Variants in CHPF2 observed in about 807,000 individuals in gnomAD.
CHPF2 encodes chondroitin polymerizing factor 2, non-catalytic subunit.
In CHPF2, 58 loss-of-function variants were observed where a neutral mutation model predicts 63.0. The observed-to-expected ratio is 0.92, with a 90% CI of 0.75 to 1.15. The LOEUF is 1.15. Among genes scored for constraint, CHPF2 ranks in the 50% most tolerant of loss-of-function variants. The probability of loss-of-function intolerance (pLI) is 0.00; values close to 1 mark genes in which losing one functional copy is unlikely to be tolerated. For synonymous variants in CHPF2, 442 were observed against 438.0 expected (o/e 1.01, Z -0.11); for missense variants, 1,045 against 1,035.4 (o/e 1.01, Z -0.13).
chr7:151,235,318 C>A lies in CHPF2; in HGVS notation c.534C>A (p.Phe178Leu). 1.9e-6 allele frequency: 3 copies of A among 1,614,006 alleles called. No homozygotes were observed. Among genetic ancestry groups the A allele is most frequent in the Non-Finnish European group, 2.5e-6 (3 of 1,180,044 alleles). The stretch of plus-strand genomic sequence containing the variant: ...ACTTTGGGGCCGACTACGACTGGTT[C>A]TTCATCATGCAGGATGACACATATG... ...HTHFGADYDW[F>L]FIMQDDTYVQ... is the part of the protein sequence containing the mutation. Residue 178 changes from phenylalanine to leucine, a missense_variant, in exon 2 of 4, where the codon TTC becomes TTA. Transcript: ENST00000035307.
At position 151,232,768 on chromosome 7, in the gene CHPF2, C is replaced by T. The variant is rs1175893739; in HGVS notation, c.-1244C>T. 2 of 1,507,474 alleles carry T rather than the reference C, an allele frequency of 1.3e-6. No individual in the cohort carries two copies. The highest frequency in any genetic ancestry group is 1.8e-6 in the Non-Finnish European group (2 of 1,134,508). The allele number at this position is 1,507,474 out of a possible 1,614,324, so 93.4% of individuals were successfully genotyped here. ...TGGTCCTGCGCTCGCGGCCTCGATG[C>T]TGTCTCTGGCGCGGCCTCCGCTCCC... On this transcript the variant is annotated 5_prime_UTR_variant, in exon 1 of 4. Coordinates refer to ENST00000035307, the MANE Select transcript of CHPF2 (RefSeq NM_019015.3).
Position 151,238,281 on chromosome 7 carries a change from C to G in CHPF2, c.1919C>G (p.Pro640Arg), listed in dbSNP as rs76509585. 7 of 1,611,134 alleles carry G rather than the reference C, an allele frequency of 4.3e-6. No homozygotes were observed. Among genetic ancestry groups the G allele is most frequent in the African/African-American group, 2.7e-5 (2 of 74,906 alleles). The change falls in exon 4 of 4, where the codon CCG (proline) becomes CGG (arginine). Residue 640 changes from proline (P) to arginine (R), a missense_variant. Coordinates refer to ENST00000035307, the MANE Select transcript of CHPF2 (RefSeq NM_019015.3). ...LSPQRSPPGPPGAGPDPPSPP... is the reference protein window; with the variant it reads ...LSPQRSPPGPRGAGPDPPSPP... ...CCACAGAGATCACCCCCAGGGCCCC[C>G]GGGGGCTGGCCCTGACCCCCCCTCC...
chr7:151,232,531 G>T lies in CHPF2; in HGVS notation c.-1481G>T, dbSNP rs1164807373. ...GTGAGGTGGCAGCGGCTGCAGCGGCGGAGCCGGCGCCTCAGCGGGCACTGG... is the reference window on the plus strand; with the variant it reads ...GTGAGGTGGCAGCGGCTGCAGCGGCTGAGCCGGCGCCTCAGCGGGCACTGG... On this transcript the variant is annotated 5_prime_UTR_variant, in exon 1 of 4. Transcript: ENST00000035307. 5.9e-6 allele frequency: 3 copies of T among 506,060 alleles called. No homozygotes were observed. Among genetic ancestry groups the T allele is most frequent in the South Asian group, 2.7e-5 (1 of 37,554 alleles). The allele number at this position is 506,060 out of a possible 1,614,324, so 31.3% of individuals were successfully genotyped here.
In CHPF2 at chr7:151,233,115, G is replaced by C. The variant is rs1404749380; in HGVS notation, c.-897G>C. On this transcript the variant is annotated 5_prime_UTR_variant, in exon 1 of 4. Transcript: ENST00000035307. Reference sequence around the variant, plus strand: ...TAGTTGCTGCTTGTGCTCTCTCTTTGCTTTTGGTTTGCTTCATTTGGCCCC... The same window carrying C: ...TAGTTGCTGCTTGTGCTCTCTCTTTCCTTTTGGTTTGCTTCATTTGGCCCC... 8 of 1,168,864 alleles carry C rather than the reference G, an allele frequency of 6.8e-6. No individual in the cohort carries two copies. The highest frequency in any genetic ancestry group is 8.4e-6 in the Non-Finnish European group (8 of 946,946). The allele number at this position is 1,168,864 out of a possible 1,614,324, so 72.4% of individuals were successfully genotyped here. A position where few individuals can be genotyped will look rare whatever the true frequency, so the allele number is the denominator to read the frequency against.
chr7:151,234,590 C>G (rs1348549452), intron 1 of CHPF2, among the ~76,000 whole-genome samples: 1 of 152,148 alleles, frequency 6.6e-6, no homozygotes, highest in East Asian at 1.9e-4. Context: ...CTCCCAGGTT[C>G]AAGTGATTTT....
At position 151,238,379 on chromosome 7, in the gene CHPF2, T is replaced by C; in HGVS notation, c.2017T>C (p.Cys673Arg). 6.2e-7 allele frequency: 1 copy of C among 1,607,784 alleles called. No homozygotes were observed. The highest frequency in any genetic ancestry group is 8.5e-7 in the Non-Finnish European group (1 of 1,176,934). ...RFDRQASAEG[C>R]FYNADYLAAR... Reference sequence around the variant, plus strand: ...TGACCGGCAGGCTTCTGCGGAGGGCTGCTTCTACAACGCTGACTACCTGGC... The same window carrying C: ...TGACCGGCAGGCTTCTGCGGAGGGCCGCTTCTACAACGCTGACTACCTGGC... Residue 673 changes from cysteine (C) to arginine (R), a missense_variant, in exon 4 of 4, where the codon TGC (cysteine) becomes CGC (arginine). Cys to Arg is a radical substitution (Grantham distance 180). Coordinates refer to ENST00000035307, the MANE Select transcript of CHPF2 (RefSeq NM_019015.3).
Position 151,232,873 on chromosome 7 carries a change from C to A in CHPF2, c.-1139C>A. The A allele has an allele frequency of 7.1e-7, 1 of 1,417,778 alleles. No homozygotes were observed. Among genetic ancestry groups the A allele is most frequent in the Admixed American group, 2.9e-5 (1 of 34,224 alleles). The allele number at this position is 1,417,778 out of a possible 1,614,324, so 87.8% of individuals were successfully genotyped here. ...ACCCCGCCTCGCAGAACGACCCGAG[C>A]TGGTCTCCCGAGCCCCCTTCTCAGC... On this transcript the variant is annotated 5_prime_UTR_variant, in exon 1 of 4. The change creates a new upstream start codon in the 5' untranslated region. Coordinates refer to ENST00000035307, the MANE Select transcript of CHPF2 (RefSeq NM_019015.3).
chr7:151,235,450 C>T lies in CHPF2; in HGVS notation c.666C>T (p.Tyr222=), dbSNP rs1235948280. Residue 222 remains tyrosine, a synonymous_variant, in exon 2 of 4, where the codon TAC becomes TAT. Transcript: ENST00000035307. ...EFIGAGEQAR[Y]CHGGFGYLLS... ...TTGGCGCAGGCGAGCAGGCCCGGTA[C>T]TGTCATGGGGGCTTTGGCTACCTGT... 1.9e-6 allele frequency: 3 copies of T among 1,612,100 alleles called. No individual in the cohort carries two copies. The highest frequency in any genetic ancestry group is 1.7e-6 in the Non-Finnish European group (2 of 1,180,020).
Sources: allele counts gnomAD v4.1 joint callset (sites outside exome capture counted in the v4.1 genomes callset), GRCh38; gene constraint gnomAD v4.1.1; transcripts MANE v1.5; gene names NCBI Gene and HGNC (gene_info 2026-07-23, HGNC 2026-07-21).